Variants in MAF observed in about 807,000 individuals in gnomAD.
MAF encodes the protein MAF bZIP transcription factor.
A neutral mutation model predicts 22.0 loss-of-function variants in MAF; 10 were observed. That is an observed-to-expected ratio of 0.45 (90% CI 0.28 to 0.77). The LOEUF is 0.77. Ranked by LOEUF, MAF falls within the 30% of genes least tolerant of loss-of-function variation. The pLI, the probability that MAF is intolerant of heterozygous loss-of-function variation, is 0.12. For missense variants in MAF, 544 were observed against 548.4 expected (o/e 0.99, Z 0.08); for synonymous variants, 337 against 255.8 (o/e 1.32, Z -3.03).
the MAF span, among the ~76,000 whole-genome samples, chr16:79,512,549 C>T: frequency 6.6e-6 from 1 of 152,268 alleles, no homozygotes; most frequent in African/African-American, 2.4e-5. Flanking sequence ...CCCCAGCTCA[C>T]CATCTGAGCT....
At chr16:79,286,093 A>G in the MAF span, among the ~76,000 whole-genome samples, 1 of 152,254 alleles carries the variant, frequency 6.6e-6, no homozygotes, top group African/African-American at 2.4e-5. Flanking sequence ...AATAAGATCA[A>G]TATTGATAGG....
chr16:79,586,057 A>G (rs1164058619), intron 1 of MAF: 11 of 549,486 alleles, frequency 2.0e-5, no homozygotes, highest in Non-Finnish European at 2.8e-5. Flanking sequence ...GAATTACACC[A>G]AAAGAAGAGT....
the MAF span, among the ~76,000 whole-genome samples, chr16:79,239,062 C>T: frequency 1.3e-5 from 2 of 152,002 alleles, no homozygotes; most frequent in Non-Finnish European, 2.9e-5. Context: ...TAGCCACTCC[C>T]ACTGTTGTAG....
chr16:79,387,526 G>A, the MAF span, among the ~76,000 whole-genome samples: 1 of 152,160 alleles, frequency 6.6e-6, no homozygotes, highest in Admixed American at 6.5e-5. Flanking sequence ...TACATGAATA[G>A]TCAATGCTTG....
At chr16:79,446,085 G>A in the MAF span, among the ~76,000 whole-genome samples, 1 of 152,096 alleles carries the variant, frequency 6.6e-6, no homozygotes, top group Non-Finnish European at 1.5e-5. Context: ...AAAAAAGAGA[G>A]AAAAGGAAAG....
At chr16:79,213,569 G>C in the MAF span, among the ~76,000 whole-genome samples, 1 of 152,210 alleles carries the variant, frequency 6.6e-6, no homozygotes, top group South Asian at 2.1e-4. Flanking sequence ...CTTTGCACTG[G>C]GGCTTGCCTT....
At chr16:79,308,621 T>C in the MAF span, among the ~76,000 whole-genome samples, 1 of 152,214 alleles carries the variant, frequency 6.6e-6, no homozygotes, top group Non-Finnish European at 1.5e-5. Context: ...CGTCAACATC[T>C]CAAAATATTG....
At chr16:79,248,305 C>T in the MAF span, among the ~76,000 whole-genome samples, 1 of 152,042 alleles carries the variant, frequency 6.6e-6, no homozygotes, top group Non-Finnish European at 1.5e-5. Context: ...ATTTTCTCTT[C>T]GTTGCTGTCT....
At chr16:79,531,717 G>C in the MAF span, among the ~76,000 whole-genome samples, 2 of 152,146 alleles carry the variant, frequency 1.3e-5, no homozygotes, top group African/African-American at 4.8e-5. Flanking sequence ...GCAGTCATGT[G>C]AATGATGGGG....
the MAF span, among the ~76,000 whole-genome samples, chr16:79,358,696 G>A: frequency 4.6e-5 from 7 of 152,212 alleles, no homozygotes; most frequent in South Asian, 2.1e-4. Flanking sequence ...ATGAAGTGCC[G>A]GCTGCTGAGA....
chr16:79,532,470 A>T, the MAF span, among the ~76,000 whole-genome samples: 1 of 152,238 alleles, frequency 6.6e-6, no homozygotes, highest in East Asian at 1.9e-4. Context: ...CTCAGCTCCA[A>T]TCATTCAATC....
chr16:79,404,614 G>C, the MAF span, among the ~76,000 whole-genome samples: 8 of 149,544 alleles, frequency 5.3e-5, no homozygotes, highest in Non-Finnish European at 1.5e-5. Context: ...AATGACAAGC[G>C]CTTCAATCTC....
chr16:79,221,050 G>C, the MAF span, among the ~76,000 whole-genome samples: 6 of 152,330 alleles, frequency 3.9e-5, no homozygotes, highest in Admixed American at 2.6e-4. Context: ...GCTAAACTTT[G>C]GGTCAGCTCG....
At chr16:79,356,652 T>A in the MAF span, among the ~76,000 whole-genome samples, 1 of 152,198 alleles carries the variant, frequency 6.6e-6, no homozygotes, top group Non-Finnish European at 1.5e-5. Context: ...GATGTGCTGT[T>A]GCTGCTGCCT....
At chr16:79,295,313 C>G in the MAF span, among the ~76,000 whole-genome samples, 2 of 152,132 alleles carry the variant, frequency 1.3e-5, no homozygotes, top group African/African-American at 4.8e-5. Context: ...GTGAATCGGG[C>G]GGCCTTCTGA....
At chr16:79,249,971 G>A in the MAF span, among the ~76,000 whole-genome samples, 11 of 152,310 alleles carry the variant, frequency 7.2e-5, no homozygotes, top group African/African-American at 2.6e-4. Context: ...AGGTCCCAGA[G>A]GGGTTAATTT....
At chr16:79,597,209 C>G in intron 1 of MAF, 1 of 1,052,404 alleles carries the variant, frequency 9.5e-7, no homozygotes, top group Non-Finnish European at 1.1e-6. Flanking sequence ...AAATCTACAG[C>G]TAAACAGACC....
the MAF span, among the ~76,000 whole-genome samples, chr16:79,483,435 G>T: frequency 6.6e-6 from 1 of 150,930 alleles, no homozygotes; most frequent in African/African-American, 2.4e-5. Context: ...GAAGTGAAGG[G>T]AAGACCCAAA....
At chr16:79,418,828 C>T in the MAF span, among the ~76,000 whole-genome samples, 1 of 152,156 alleles carries the variant, frequency 6.6e-6, no homozygotes, top group East Asian at 1.9e-4. Flanking sequence ...GCAGGCTCCT[C>T]ACCGCATGGT....
Sources: gnomAD v4.1 joint callset for allele counts (sites outside exome capture counted in the v4.1 genomes callset) on GRCh38, gnomAD v4.1.1 for gene constraint, MANE v1.5 for transcripts, NCBI Gene and HGNC (gene_info 2026-07-23, HGNC 2026-07-21) for gene names.